SIRPB1: variants seen among roughly 807,000 people sequenced by gnomAD.
The protein encoded by SIRPB1 is signal regulatory protein beta 1, also known as signal-regulatory protein beta-1.
SIRPB1 carries 28 observed loss-of-function variants against 34.1 expected under a neutral mutation model. The observed-to-expected ratio is 0.82, with a 90% CI of 0.61 to 1.12. The LOEUF is 1.12. Among genes scored for constraint, SIRPB1 ranks in the 50% most tolerant of loss-of-function variants. The pLI is 0.00. For synonymous variants in SIRPB1, 211 were observed against 203.8 expected (o/e 1.04, Z -0.30); for missense variants, 499 against 507.0 (o/e 0.98, Z 0.15).
At chr20:1,580,344 C>T (rs1201312749) in intron 1 of SIRPB1, among the ~76,000 whole-genome samples, 6 of 146,268 alleles carry the variant, frequency 4.1e-5, no homozygotes, top group African/African-American at 1.0e-4. Context: ...CTTATAAGCA[C>T]CCTTGTGATG....
rs543430966 is a variant in SIRPB1, at chr20:1,572,349, C to G, written c.434-312G>C. 6.0e-4 allele frequency among the ~76,000 whole-genome samples: 91 copies of G among 152,090 alleles called. 1 individual carries two copies. Among genetic ancestry groups the G allele is most frequent in the African/African-American group, 2.0e-3 (85 of 41,500 alleles). On this transcript the variant is annotated intron_variant, in intron 2 of 5. Coordinates refer to ENST00000381605, the MANE Select transcript of SIRPB1 (RefSeq NM_006065.5). ...AACAAAATTACTGATTGGTCTCCCT[C>G]CATGTTATTAACTGGTCCTAGCTGT...
In SIRPB1 at chr20:1,571,898, T is replaced by C. The variant is rs1430065411; in HGVS notation, c.573A>G (p.Ser191=). ...LKWFKNGNEL[S]DFQTNVDPAG... is the part of the protein sequence containing the mutation. ...CGGGGTCCACGTTGGTCTGGAAGTC[T>C]GAGAGCTCATTCCCATTTTTGAACC... is the stretch of plus-strand genomic sequence containing the variant. The change falls in exon 3 of 6, where the codon TCA becomes TCG. Residue 191 remains serine (S), a synonymous_variant. Transcript: ENST00000381605. 37 of 1,614,212 alleles carry C rather than the reference T, an allele frequency of 2.3e-5. No individual in the cohort carries two copies. Among genetic ancestry groups the C allele is most frequent in the Non-Finnish European group, 3.1e-5 (37 of 1,180,030 alleles).
At chr20:1,570,658 TG>T (rs1228116142) in intron 4 of SIRPB1, 146 bp downstream of exon 4, 15 of 667,582 alleles carry the variant, frequency 2.2e-5, no homozygotes, top group Non-Finnish European at 3.3e-5. Context: ...TTCTAAGTAG[TG>T]GTGACCCATG....
chr20:1,572,065 GAC>G, intron 2 of SIRPB1, 28 bp from the exon 3 acceptor site: 1 of 1,613,708 alleles, frequency 6.2e-7, no homozygotes, highest in Non-Finnish European at 8.5e-7. Flanking sequence ...ATAATCAGGA[GAC>G]ATGACTCAGA....
intron 4 of SIRPB1, among the ~76,000 whole-genome samples, chr20:1,569,678 A>G (rs2091196190): frequency 6.6e-6 from 1 of 152,226 alleles, no homozygotes; most frequent in African/African-American, 2.4e-5. Flanking sequence ...TATTTCCTGG[A>G]GCCTCAGGGC....
At position 1,571,756 on chromosome 20, in the gene SIRPB1, G is replaced by A; in HGVS notation, c.715C>T (p.Leu239Phe). The A allele has an allele frequency of 6.2e-7, 1 of 1,614,242 alleles. No individual in the cohort carries two copies. The highest frequency in any genetic ancestry group is 8.5e-7 in the Non-Finnish European group (1 of 1,180,038). ...TCAGACAAGTTGGCAGTCCCACGAA[G>A]AGGGTCCCCCTGCAAGGTGATGTGG... Reference protein sequence around the residue: ...IAHITLQGDPLRGTANLSEAI... With the variant: ...IAHITLQGDPFRGTANLSEAI... The change falls in exon 3 of 6, where the codon CTT becomes TTT. Residue 239 changes from leucine (L) to phenylalanine (F), a missense_variant. By Grantham distance (22) the Leu-to-Phe change is conservative (BLOSUM62 0). Coordinates refer to ENST00000381605, the MANE Select transcript of SIRPB1 (RefSeq NM_006065.5).
chr20:1,569,795 T>G (rs1254190396), intron 4 of SIRPB1, among the ~76,000 whole-genome samples: 1 of 152,198 alleles, frequency 6.6e-6, no homozygotes, highest in Admixed American at 6.5e-5. Flanking sequence ...TGGGCCCTGA[T>G]GGGGAAGTTG....
intron 4 of SIRPB1, among the ~76,000 whole-genome samples, chr20:1,569,295 T>C (rs2091189785): frequency 1.3e-5 from 2 of 152,252 alleles, no homozygotes; most frequent in Admixed American, 1.3e-4. Flanking sequence ...AAAATGGTTC[T>C]AAAAAATTTG....
At chr20:1,619,123 G>T (rs1053380639) in intron 1 of SIRPB1, among the ~76,000 whole-genome samples, 2 of 152,142 alleles carry the variant, frequency 1.3e-5, no homozygotes, top group South Asian at 4.1e-4. Context: ...CAAGGAGAGA[G>T]ACTTCAGTAG....
In SIRPB1 at chr20:1,583,457, A is replaced by G; in HGVS notation, c.77-4763T>C. On this transcript the variant is annotated intron_variant, in intron 1 of 5. Transcript: ENST00000381605. ...GGTATTCAAAAATTGTAAAGTGATT[A>G]CTTGGCAGATTTCCTGAGGATTGGA... Among the ~76,000 whole-genome samples, 2 of 48,642 alleles carry G rather than the reference A, an allele frequency of 4.1e-5. 1 individual carries two copies. The highest frequency in any genetic ancestry group is 7.9e-5 in the Non-Finnish European group (2 of 25,284). 31.9% of individuals were successfully genotyped at this position (48,642 alleles called of 152,430 possible).
rs1332668441 is a variant in SIRPB1, at chr20:1,574,545, G to T, written c.434-2508C>A. On this transcript the variant is annotated intron_variant, in intron 2 of 5. Transcript: ENST00000381605. ...GTCCAGCTTTGCAAACTTTTTTTTT[G>T]ATAGTTTTCCCAATGATTCTAATGA... Among the ~76,000 whole-genome samples, 28 of 124,276 alleles carry T rather than the reference G, an allele frequency of 2.3e-4. 1 individual carries two copies. Among genetic ancestry groups the T allele is most frequent in the African/African-American group, 4.3e-4 (15 of 34,994 alleles). The allele number at this position is 124,276 out of a possible 152,430, so 81.5% of individuals were successfully genotyped here.
chr20:1,571,400 C>A (rs1444408447), intron 3 of SIRPB1, among the ~76,000 whole-genome samples: 1 of 152,176 alleles, frequency 6.6e-6, no homozygotes, highest in Non-Finnish European at 1.5e-5. Context: ...CCCTGGCATG[C>A]AGTTGGAATG....
Position 1,579,136 on chromosome 20 carries a change from G to GA in SIRPB1, c.77-443dup, listed in dbSNP as rs1291488287. The stretch of plus-strand genomic sequence containing the variant: ...CTGGCCAATTTTTGTATTTTTTCTA[G>GA]AGACACAGTTTCACCATGTTGCCCA... On this transcript the variant is annotated intron_variant, in intron 1 of 5. Transcript: ENST00000381605. Among the ~76,000 whole-genome samples the GA allele has an allele frequency of 4.7e-5, 7 of 147,762 alleles. No individual in the cohort carries two copies. In the East Asian group the frequency reaches 1.4e-3, roughly 29 times the overall value.
rs543651537 is a variant in SIRPB1, at chr20:1,579,561, G to A, written c.77-867C>T. ...CCATCGCCTGGATGCGTGAATGACC[G>A]TTGCATGCAGAACTGCCAATCCACA... On this transcript the variant is annotated intron_variant, in intron 1 of 5. Transcript: ENST00000381605. 1.9e-4 allele frequency among the ~76,000 whole-genome samples: 28 copies of A among 148,768 alleles called. 1 individual carries two copies. The highest frequency in any genetic ancestry group is 5.8e-4 in the African/African-American group (24 of 41,048).
intron 3 of SIRPB1, 59 bp from the exon 4 acceptor site, chr20:1,571,196 C>T: frequency 1.3e-6 from 2 of 1,516,330 alleles, no homozygotes; most frequent in Non-Finnish European, 1.8e-6. Flanking sequence ...ACAGGGAGGG[C>T]TAAATAACGT....
At chr20:1,570,745 T>C in intron 4 of SIRPB1, 60 bp downstream of exon 4, 1 of 1,287,848 alleles carries the variant, frequency 7.8e-7, no homozygotes, top group Non-Finnish European at 1.1e-6. Flanking sequence ...ATGACAAGCA[T>C]GAATATTGCT....
chr20:1,571,987 C>G lies in SIRPB1; in HGVS notation c.484G>C (p.Glu162Gln), dbSNP rs559780117. 6.2e-6 allele frequency: 10 copies of G among 1,613,854 alleles called. No homozygotes were observed. The highest frequency in any genetic ancestry group is 1.7e-5 in the Admixed American group (1 of 60,000). Residue 162 changes from glutamate to glutamine, a missense_variant, in exon 3 of 6, where the codon GAG becomes CAG. Physicochemically the swap from Glu to Gln is conservative, Grantham distance 29. Coordinates refer to ENST00000381605, the MANE Select transcript of SIRPB1 (RefSeq NM_006065.5). ...VSGPAVRATPEHTVSFTCESH... is the reference protein window; with the variant it reads ...VSGPAVRATPQHTVSFTCESH... ...TCGCAGGTGAAGCTCACTGTGTGCTCAGGTGTGGCCCTCACCGCAGGGCCC... is the reference window on the plus strand; with the variant it reads ...TCGCAGGTGAAGCTCACTGTGTGCTGAGGTGTGGCCCTCACCGCAGGGCCC...
At chr20:1,571,510 A>G (rs1381111486) in intron 3 of SIRPB1, among the ~76,000 whole-genome samples, 1 of 151,976 alleles carries the variant, frequency 6.6e-6, no homozygotes, top group East Asian at 1.9e-4. Context: ...AATAAATGAA[A>G]CTCTGTAGCC....
In SIRPB1 at chr20:1,582,449, G is replaced by A. The variant is rs1210579795; in HGVS notation, c.77-3755C>T. ...AACACAAAATTAAAATTGCTGCCAG[G>A]TACAGCTGCACACCTTTCTGTTGAC... On this transcript the variant is annotated intron_variant, in intron 1 of 5. Transcript: ENST00000381605. Among the ~76,000 whole-genome samples the A allele has an allele frequency of 4.1e-5, 2 of 49,320 alleles. 1 individual carries two copies. Among genetic ancestry groups the A allele is most frequent in the Non-Finnish European group, 7.8e-5 (2 of 25,540 alleles). 32.4% of individuals were successfully genotyped at this position (49,320 alleles called of 152,430 possible). A position where few individuals can be genotyped will look rare whatever the true frequency, so the allele number is the denominator to read the frequency against.
Sources: gnomAD v4.1 joint callset for allele counts (sites outside exome capture counted in the v4.1 genomes callset) on GRCh38, gnomAD v4.1.1 for gene constraint, MANE v1.5 for transcripts, NCBI Gene and HGNC (gene_info 2026-07-23, HGNC 2026-07-21) for gene names.